SLIT3: variants seen among roughly 807,000 people sequenced by gnomAD.
SLIT3 encodes the protein slit homolog 3 protein.
Under a neutral mutation model 184.0 loss-of-function variants are expected in SLIT3, and 68 were observed. The ratio of observed to expected loss-of-function variants is 0.37; its 90% CI spans 0.30 to 0.45. The LOEUF (loss-of-function observed/expected upper bound fraction) is 0.45. Among genes scored for constraint, SLIT3 ranks in the 20% least tolerant of loss-of-function variants. The probability of loss-of-function intolerance (pLI) is 1.00; values close to 1 mark genes in which losing one functional copy is unlikely to be tolerated. For missense variants in SLIT3, 1,707 were observed against 2,026.0 expected (o/e 0.84, Z 3.02); for synonymous variants, 831 against 828.6 (o/e 1.00, Z -0.05).
intron 4 of SLIT3, among the ~76,000 whole-genome samples, chr5:169,152,455 G>T (rs1174876714): frequency 6.6e-6 from 1 of 152,040 alleles, no homozygotes; most frequent in East Asian, 1.9e-4. Flanking sequence ...CCTGAATTTG[G>T]CTGGTAGTCC....
chr5:168,982,657 A>G (rs1031550007), intron 4 of SLIT3, among the ~76,000 whole-genome samples: 7 of 152,350 alleles, frequency 4.6e-5, no homozygotes, highest in African/African-American at 1.4e-4. Context: ...TAATTGGAGA[A>G]GCACTAAGTA....
Position 169,082,578 on chromosome 5 carries a change from G to T in SLIT3, c.413+110901C>A, listed in dbSNP as rs140116186. On this transcript the variant is annotated intron_variant, in intron 4 of 35. Coordinates refer to ENST00000519560, the MANE Select transcript of SLIT3 (RefSeq NM_003062.4). ...TTGAAAAGTACCTGTCTCTATGTGTGTGTGTGTCTCTCTCTTTCTCTACCT... is the reference window on the plus strand; with the variant it reads ...TTGAAAAGTACCTGTCTCTATGTGTTTGTGTGTCTCTCTCTTTCTCTACCT... 1.0e-3 allele frequency among the ~76,000 whole-genome samples: 155 copies of T among 152,314 alleles called. 1 individual carries two copies. The highest frequency in any genetic ancestry group is 3.6e-3 in the African/African-American group (151 of 41,576).
At chr5:168,946,527 G>C (rs1400536323) in intron 4 of SLIT3, among the ~76,000 whole-genome samples, 1 of 152,206 alleles carries the variant, frequency 6.6e-6, no homozygotes, top group Non-Finnish European at 1.5e-5. Flanking sequence ...GTGTTCCCCA[G>C]CCTTGTTCAC....
At chr5:169,152,277 G>A (rs1020899372) in intron 4 of SLIT3, among the ~76,000 whole-genome samples, 2 of 152,172 alleles carry the variant, frequency 1.3e-5, no homozygotes, top group African/African-American at 4.8e-5. Context: ...GAAAGAGAAA[G>A]TCAACAACTG....
chr5:169,100,124 T>C (rs1251048515), intron 4 of SLIT3, among the ~76,000 whole-genome samples: 1 of 152,132 alleles, frequency 6.6e-6, no homozygotes, highest in Non-Finnish European at 1.5e-5. Context: ...GTAGAGTGTG[T>C]GGTCTATACA....
chr5:168,696,111 G>A (rs1239292079), intron 28 of SLIT3, among the ~76,000 whole-genome samples, 181 bp downstream of exon 28: 1 of 152,198 alleles, frequency 6.6e-6, no homozygotes, highest in African/African-American at 2.4e-5. Context: ...CTGGTGGCTG[G>A]TGGTGGAGGA....
Position 169,205,128 on chromosome 5 carries a change from G to A in SLIT3, c.342-11578C>T, listed in dbSNP as rs1340942922. Reference sequence around the variant, plus strand: ...AATGAGGGAGGGGGCCTCATTAAGCGGGTGAGGAATGGTGACAAACGACAA... The same window carrying A: ...AATGAGGGAGGGGGCCTCATTAAGCAGGTGAGGAATGGTGACAAACGACAA... On this transcript the variant is annotated intron_variant, in intron 3 of 35. Transcript: ENST00000519560. Among the ~76,000 whole-genome samples, 13 of 152,198 alleles carry A rather than the reference G, an allele frequency of 8.5e-5. 1 individual carries two copies. The highest frequency in any genetic ancestry group is 2.1e-4 in the South Asian group (1 of 4,822).
intron 4 of SLIT3, among the ~76,000 whole-genome samples, chr5:168,912,265 T>G (rs1411859930): frequency 6.6e-6 from 1 of 152,214 alleles, no homozygotes. Context: ...AAACAAAATA[T>G]GTGTTAATTG....
At chr5:168,843,160 C>A (rs906719762) in intron 6 of SLIT3, among the ~76,000 whole-genome samples, 5 of 152,078 alleles carry the variant, frequency 3.3e-5, no homozygotes, top group South Asian at 2.1e-4. Flanking sequence ...GGCTTTCATC[C>A]GATTTCAAGC....
At chr5:169,041,864 C>T (rs546937425) in intron 4 of SLIT3, among the ~76,000 whole-genome samples, 30 of 152,088 alleles carry the variant, frequency 2.0e-4, no homozygotes, top group South Asian at 6.2e-4. Flanking sequence ...AGCAATCAGA[C>T]GCATGAAAGA....
At chr5:169,098,285 C>T (rs951281459) in intron 4 of SLIT3, among the ~76,000 whole-genome samples, 27 of 152,218 alleles carry the variant, frequency 1.8e-4, no homozygotes, top group African/African-American at 6.5e-4. Flanking sequence ...ACGAGGACAC[C>T]CCACACCCAA....
At chr5:168,705,098 T>C (rs1330006249) in intron 26 of SLIT3, among the ~76,000 whole-genome samples, 1 of 152,172 alleles carries the variant, frequency 6.6e-6, no homozygotes, top group African/African-American at 2.4e-5. Flanking sequence ...TTCCCATGGC[T>C]ACACTCTACT....
At chr5:168,709,433 T>C (rs1253795537) in intron 25 of SLIT3, among the ~76,000 whole-genome samples, 2 of 152,132 alleles carry the variant, frequency 1.3e-5, no homozygotes, top group African/African-American at 4.8e-5. Flanking sequence ...CACACCCAGG[T>C]TGTACCCCAG....
chr5:169,179,511 A>G (rs1763087401), intron 4 of SLIT3, among the ~76,000 whole-genome samples: 1 of 152,170 alleles, frequency 6.6e-6, no homozygotes, highest in South Asian at 2.1e-4. Context: ...ATCAAAAACA[A>G]CATTCCCCTC....
At chr5:168,864,225 C>T (rs1759219837) in intron 5 of SLIT3, among the ~76,000 whole-genome samples, 1 of 152,092 alleles carries the variant, frequency 6.6e-6, no homozygotes, top group Admixed American at 6.6e-5. Context: ...TGAACAAATA[C>T]AAGCATAATG....
chr5:168,739,402 C>A (rs913994454), intron 20 of SLIT3, among the ~76,000 whole-genome samples: 3 of 151,078 alleles, frequency 2.0e-5, no homozygotes, highest in Non-Finnish European at 4.4e-5. Context: ...TTAAAGTATT[C>A]CTCGCTTTTT....
At chr5:169,143,617 G>A (rs1459555329) in intron 4 of SLIT3, among the ~76,000 whole-genome samples, 4 of 152,182 alleles carry the variant, frequency 2.6e-5, no homozygotes, top group Non-Finnish European at 5.9e-5. Flanking sequence ...CAGCCAACAT[G>A]GCGAAAACCC....
intron 4 of SLIT3, among the ~76,000 whole-genome samples, chr5:169,088,575 G>A (rs1402604169): frequency 1.3e-5 from 2 of 152,124 alleles, no homozygotes; most frequent in African/African-American, 4.8e-5. Context: ...TCAGAGGAAT[G>A]CAGTATGGAG....
At chr5:169,277,730 T>C (rs543786032) in intron 1 of SLIT3, among the ~76,000 whole-genome samples, 2 of 152,374 alleles carry the variant, frequency 1.3e-5, no homozygotes, top group East Asian at 3.9e-4. Context: ...GGCACACAAG[T>C]ATCTGTTTGA....
Sources: allele counts gnomAD v4.1 joint callset (sites outside exome capture counted in the v4.1 genomes callset), GRCh38; gene constraint gnomAD v4.1.1; transcripts MANE v1.5; gene names NCBI Gene and HGNC (gene_info 2026-07-23, HGNC 2026-07-21).